ZNF891: variants seen among roughly 807,000 people sequenced by gnomAD.
The protein encoded by ZNF891 is zinc finger protein 891.
For synonymous variants in ZNF891, 199 were observed against 209.0 expected (o/e 0.95, Z 0.41); for missense variants, 589 against 632.7 (o/e 0.93, Z 0.74).
At position 133,115,033 on chromosome 12, in the gene ZNF891, T is replaced by G. The variant is rs1289746242; in HGVS notation, c.*5251A>C. On this transcript the variant is annotated 3_prime_UTR_variant, in exon 2 of 2. Coordinates refer to ENST00000537226, the MANE Select transcript of ZNF891 (RefSeq NM_001277291.2). ...GATCAAATACATTATGGTACAAGCA[T>G]ATAATCAAATACTAAGCAGCTATTA... 1.3e-5 allele frequency: 2 copies of G among 152,156 alleles called. No individual in the cohort carries two copies. Among genetic ancestry groups the G allele is most frequent in the African/African-American group, 4.8e-5 (2 of 41,446 alleles). 9.4% of individuals were successfully genotyped at this position (152,156 alleles called of 1,614,324 possible).
rs1355847556 is a variant in ZNF891, at chr12:133,121,124, T to C, written c.795A>G (p.Lys265=). 1 of 1,535,358 alleles carries C rather than the reference T, an allele frequency of 6.5e-7. No individual in the cohort carries two copies. The highest frequency in any genetic ancestry group is 2.4e-5 in the East Asian group (1 of 40,900). The stretch of plus-strand genomic sequence containing the variant: ...TTCCATGTTTAGAATATGTGTACTC[T>C]TTTTGTACTGTTTGATTTCTCTGAA... ...WHFQRNQTVQ[K]EYTYSKHGMH... Residue 265 remains lysine (K), a synonymous_variant, in exon 2 of 2, where the codon AAA becomes AAG. Coordinates refer to ENST00000537226, the MANE Select transcript of ZNF891 (RefSeq NM_001277291.2).
In ZNF891 at chr12:133,105,442, G is replaced by A; in HGVS notation, c.*14842C>T. ...AAACTTCATTCTGTTGCTAAAGAAG[G>A]GAGAAATGGCCTTATTTTATTCAAT... On this transcript the variant is annotated 3_prime_UTR_variant, in exon 2 of 2. Coordinates refer to ENST00000537226, the MANE Select transcript of ZNF891 (RefSeq NM_001277291.2). The A allele has an allele frequency of 6.9e-7, 1 of 1,439,258 alleles. No individual in the cohort carries two copies. Among genetic ancestry groups the A allele is most frequent in the Non-Finnish European group, 9.2e-7 (1 of 1,084,886 alleles). The allele number at this position is 1,439,258 out of a possible 1,614,324, so 89.2% of individuals were successfully genotyped here. A position where few individuals can be genotyped will look rare whatever the true frequency, so the allele number is the denominator to read the frequency against.
chr12:133,107,854 A>C lies in ZNF891; in HGVS notation c.*12430T>G, dbSNP rs977095237. The C allele has an allele frequency of 6.6e-6, 1 of 152,262 alleles. No homozygotes were observed. The highest frequency in any genetic ancestry group is 2.4e-5 in the African/African-American group (1 of 41,480). The allele number at this position is 152,262 out of a possible 1,614,324, so 9.4% of individuals were successfully genotyped here. On this transcript the variant is annotated 3_prime_UTR_variant, in exon 2 of 2. Coordinates refer to ENST00000537226, the MANE Select transcript of ZNF891 (RefSeq NM_001277291.2). Reference sequence around the variant, plus strand: ...TATTTTGTAGAAAGAGAGGTAGAGAATATGAATAGGAATGAATTTAGTGAG... The same window carrying C: ...TATTTTGTAGAAAGAGAGGTAGAGACTATGAATAGGAATGAATTTAGTGAG...
In ZNF891 at chr12:133,108,990, C is replaced by T. The variant is rs1955660690; in HGVS notation, c.*11294G>A. The T allele has an allele frequency of 6.6e-6, 1 of 151,962 alleles. No individual in the cohort carries two copies. Among genetic ancestry groups the T allele is most frequent in the African/African-American group, 2.4e-5 (1 of 41,408 alleles). 9.4% of individuals were successfully genotyped at this position (151,962 alleles called of 1,614,324 possible). On this transcript the variant is annotated 3_prime_UTR_variant, in exon 2 of 2. Coordinates refer to ENST00000537226, the MANE Select transcript of ZNF891 (RefSeq NM_001277291.2). ...CCCTGGGCCACATTGGAAGAATTGTCTTGGGCCACATATAAAATACGTGAA... is the reference window on the plus strand; with the variant it reads ...CCCTGGGCCACATTGGAAGAATTGTTTTGGGCCACATATAAAATACGTGAA...
intron 1 of ZNF891, among the ~76,000 whole-genome samples, chr12:133,128,164 A>C (rs1476873754): frequency 6.6e-6 from 1 of 152,228 alleles, no homozygotes; most frequent in Non-Finnish European, 1.5e-5. Flanking sequence ...TACTGAGAGG[A>C]GTTCGAAGCC....
At position 133,105,241 on chromosome 12, in the gene ZNF891, A is replaced by C. The variant is rs201600822; in HGVS notation, c.*15043T>G. On this transcript the variant is annotated 3_prime_UTR_variant, in exon 2 of 2. Coordinates refer to ENST00000537226, the MANE Select transcript of ZNF891 (RefSeq NM_001277291.2). ...TGGTGGTGAAGAAGACTAGCAACCT[A>C]TCCTTCACAAATATTTCCTGATAGC... Among the ~76,000 whole-genome samples the C allele has an allele frequency of 0.015, 2,262 of 152,300 alleles. 48 individuals carry two copies. Among genetic ancestry groups the C allele is most frequent in the African/African-American group, 0.051 (2,132 of 41,558 alleles).
rs1955617093 is a variant in ZNF891, at chr12:133,106,794, C to G, written c.*13490G>C. ...TATGGCCCACACTTTATTCACCACC[C>G]TGGAGAAAAAAAAACCCAGGAATAT... On this transcript the variant is annotated 3_prime_UTR_variant, in exon 2 of 2. Coordinates refer to ENST00000537226, the MANE Select transcript of ZNF891 (RefSeq NM_001277291.2). 2.9e-6 allele frequency: 2 copies of G among 684,992 alleles called. No homozygotes were observed. The highest frequency in any genetic ancestry group is 4.3e-6 in the Non-Finnish European group (2 of 461,256). 42.4% of individuals were successfully genotyped at this position (684,992 alleles called of 1,614,324 possible).
At chr12:133,125,472 T>G (rs1236664275) in intron 1 of ZNF891, 1 of 156,728 alleles carries the variant, frequency 6.4e-6, no homozygotes, top group Admixed American at 6.4e-5. Flanking sequence ...GGGGCCTTTT[T>G]CACAAGATGG....
In ZNF891 at chr12:133,127,058, G is replaced by A. The variant is rs760652484; in HGVS notation, c.-107+3169C>T. Among the ~76,000 whole-genome samples, 9 of 146,152 alleles carry A rather than the reference G, an allele frequency of 6.2e-5. No individual in the cohort carries two copies. In the East Asian group the frequency reaches 8.6e-4, roughly 14 times the overall value. On this transcript the variant is annotated intron_variant, in intron 1 of 1. Coordinates refer to ENST00000537226, the MANE Select transcript of ZNF891 (RefSeq NM_001277291.2). ...CGGCTCACTGAAACCTCTGCCTCCC[G>A]GGTTTAAGCAATTCTCTGCCTCAGC...
In ZNF891 at chr12:133,121,175, AT is replaced by A. The variant is rs1446978875; in HGVS notation, c.743del (p.His248LeufsTer116). The A allele has an allele frequency of 6.5e-7, 1 of 1,535,470 alleles. No individual in the cohort carries two copies. The highest frequency in any genetic ancestry group is 2.4e-5 in the East Asian group (1 of 40,896). On this transcript the variant is annotated frameshift_variant, in exon 2 of 2. Transcript: ENST00000537226. LOFTEE classifies it low-confidence loss of function (END_TRUNC). Reference sequence around the variant, plus strand: ...AATGCCATAGAGTTGTATCACATTCATGACTTTCATAGAGCTTCTCACTTAT... The same window carrying A: ...AATGCCATAGAGTTGTATCACATTCAGACTTTCATAGAGCTTCTCACTTAT... ...NSISEKLYESHECDTTLWHFQ... is the reference protein window; with the variant it reads ...NSISEKLYESXECDTTLWHFQ...
rs1955661969 is a variant in ZNF891, at chr12:133,109,155, G to C, written c.*11129C>G. 6.6e-6 allele frequency: 1 copy of C among 152,136 alleles called. No individual in the cohort carries two copies. The allele number at this position is 152,136 out of a possible 1,614,324, so 9.4% of individuals were successfully genotyped here. ...ATTATTATGTTCATTTTTTCCCTTA[G>C]CCAGAGAAAGGCCAAAAGACATTCC... On this transcript the variant is annotated 3_prime_UTR_variant, in exon 2 of 2. Coordinates refer to ENST00000537226, the MANE Select transcript of ZNF891 (RefSeq NM_001277291.2).
At chr12:133,126,768 G>C (rs1278211261) in intron 1 of ZNF891, among the ~76,000 whole-genome samples, 1 of 151,136 alleles carries the variant, frequency 6.6e-6, no homozygotes, top group Non-Finnish European at 1.5e-5. Flanking sequence ...AGTGAGCCGA[G>C]ATGTGCCACT....
intron 1 of ZNF891, among the ~76,000 whole-genome samples, chr12:133,129,095 C>G (rs1010786387): frequency 2.0e-5 from 3 of 152,042 alleles, no homozygotes; most frequent in African/African-American, 4.8e-5. Context: ...GATAAAATAG[C>G]ATGGGCAATT....
At chr12:133,122,313 G>C in intron 1 of ZNF891, 2 of 760,780 alleles carry the variant, frequency 2.6e-6, no homozygotes, top group Non-Finnish European at 3.2e-6. Flanking sequence ...GAACCAACCA[G>C]TAAAAAATGC....
At chr12:133,127,260 C>A (rs999297877) in intron 1 of ZNF891, among the ~76,000 whole-genome samples, 4 of 151,962 alleles carry the variant, frequency 2.6e-5, no homozygotes, top group Non-Finnish European at 4.4e-5. Flanking sequence ...CCACGGTGCC[C>A]GGCCAGAAAC....
chr12:133,122,861 T>C (rs7967315), intron 1 of ZNF891, among the ~76,000 whole-genome samples: 1 of 152,186 alleles, frequency 6.6e-6, no homozygotes, highest in African/African-American at 2.4e-5. Flanking sequence ...GGAAGAACCA[T>C]GAACTGCATT....
In ZNF891 at chr12:133,106,760, G is replaced by T. The variant is rs1955616170; in HGVS notation, c.*13524C>A. On this transcript the variant is annotated 3_prime_UTR_variant, in exon 2 of 2. Transcript: ENST00000537226. ...GAAGCCTTATGTGAAAGTGATGACT[G>T]TGAAGTAATATGGCCCACACTTTAT... The T allele has an allele frequency of 7.7e-6, 8 of 1,039,232 alleles. No homozygotes were observed. Among genetic ancestry groups the T allele is most frequent in the Non-Finnish European group, 1.1e-5 (8 of 742,444 alleles). 64.4% of individuals were successfully genotyped at this position (1,039,232 alleles called of 1,614,324 possible).
In ZNF891 at chr12:133,121,716, T is replaced by C. The variant is rs1566336673; in HGVS notation, c.203A>G (p.Tyr68Cys). 1 of 1,536,700 alleles carries C rather than the reference T, an allele frequency of 6.5e-7. No individual in the cohort carries two copies. The highest frequency in any genetic ancestry group is 2.4e-5 in the East Asian group (1 of 40,916). ...ATAGTTTTCCAACATCACATCTCTG[T>C]ACAGACTTCTTTGAGCAGAATCCAG... ...MMLDSAQRSLYRDVMLENYRN... is the reference protein window; with the variant it reads ...MMLDSAQRSLCRDVMLENYRN... Residue 68 changes from tyrosine (Y) to cysteine (C), a missense_variant, in exon 2 of 2, where the codon TAC becomes TGC. Coordinates refer to ENST00000537226, the MANE Select transcript of ZNF891 (RefSeq NM_001277291.2).
intron 1 of ZNF891, chr12:133,125,677 CA>C: frequency 3.3e-6 from 1 of 299,348 alleles, no homozygotes; most frequent in Non-Finnish European, 6.7e-6. Context: ...AGAGCACCCT[CA>C]GGAGAAACAA....
Sources: allele counts gnomAD v4.1 joint callset (sites outside exome capture counted in the v4.1 genomes callset), GRCh38; gene constraint gnomAD v4.1.1; transcripts MANE v1.5; gene names NCBI Gene and HGNC (gene_info 2026-07-23, HGNC 2026-07-21).